GRIA4: variants seen among roughly 807,000 people sequenced by gnomAD.
GRIA4 encodes glutamate receptor 4.
GRIA4 carries 34 observed loss-of-function variants against 104.0 expected under a neutral mutation model. That is an observed-to-expected ratio of 0.33 (90% CI 0.25 to 0.44). The LOEUF is 0.44. GRIA4 is among the 20% of genes least tolerant of loss of function. The pLI is 1.00. For missense variants in GRIA4, 750 were observed against 1,096.5 expected (o/e 0.68, Z 4.46); for synonymous variants, 386 against 381.9 (o/e 1.01, Z -0.13).
At chr11:105,627,614 T>C (rs1229700548) in intron 3 of GRIA4, among the ~76,000 whole-genome samples, 6 of 152,190 alleles carry the variant, frequency 3.9e-5, no homozygotes, top group Non-Finnish European at 8.8e-5. Context: ...AAGACCCATT[T>C]TGGTATGTAA....
chr11:105,634,387 A>AGAAG lies in GRIA4; in HGVS notation c.247+21968_247+21971dup, dbSNP rs539258523. Reference sequence around the variant, plus strand: ...AAAAAAAAGAAGAAGAAAGAAGGAAAGAAGGAAGGAAGGAAGGAGAAAGGA... The same window carrying AGAAG: ...AAAAAAAAGAAGAAGAAAGAAGGAAAGAAGGAAGGAAGGAAGGAAGGAGAAAGGA... On this transcript the variant is annotated intron_variant, in intron 3 of 16. Transcript: ENST00000282499. Among the ~76,000 whole-genome samples, 1,033 of 148,798 alleles carry AGAAG rather than the reference A, an allele frequency of 6.9e-3. 9 individuals are homozygous for AGAAG. Among genetic ancestry groups the AGAAG allele is most frequent in the African/African-American group, 0.022 (895 of 40,138 alleles).
chr11:105,653,089 T>G (rs1951729825), intron 3 of GRIA4, among the ~76,000 whole-genome samples: 1 of 152,116 alleles, frequency 6.6e-6, no homozygotes, highest in Non-Finnish European at 1.5e-5. Context: ...TTTTTTGTAT[T>G]TTTAGTAGAG....
At chr11:105,671,506 G>A (rs958743602) in intron 3 of GRIA4, among the ~76,000 whole-genome samples, 6 of 151,000 alleles carry the variant, frequency 4.0e-5, no homozygotes, top group Admixed American at 6.6e-5. Flanking sequence ...GTGAAATCCC[G>A]TCTCTACTAA....
intron 10 of GRIA4, chr11:105,913,589 G>A: frequency 1.6e-6 from 1 of 619,374 alleles, no homozygotes; most frequent in Non-Finnish European, 2.0e-6. Context: ...ATGTGGTTTG[G>A]ATAAATACAG....
chr11:105,898,553 C>A, intron 7 of GRIA4, 126 bp downstream of exon 7: 1 of 635,866 alleles, frequency 1.6e-6, no homozygotes, highest in South Asian at 2.0e-5. Context: ...AGCATTTTGT[C>A]CTTATAACTG....
intron 6 of GRIA4, among the ~76,000 whole-genome samples, chr11:105,892,714 A>C (rs944195342): frequency 2.0e-5 from 3 of 152,128 alleles, no homozygotes; most frequent in African/African-American, 7.2e-5. Flanking sequence ...ACTTTTCTGC[A>C]TTGAGCATGT....
intron 3 of GRIA4, among the ~76,000 whole-genome samples, chr11:105,742,878 A>G (rs1477172330): frequency 6.6e-6 from 1 of 152,046 alleles, no homozygotes; most frequent in Non-Finnish European, 1.5e-5. Context: ...CTGGGATCAC[A>G]GGCGCCTGCT....
At chr11:105,894,712 T>C (rs1371262241) in intron 6 of GRIA4, among the ~76,000 whole-genome samples, 6 of 151,634 alleles carry the variant, frequency 4.0e-5, no homozygotes, top group Non-Finnish European at 8.8e-5. Flanking sequence ...CCCAAAACCA[T>C]AGCCAAGGTG....
intron 3 of GRIA4, among the ~76,000 whole-genome samples, chr11:105,638,892 C>T (rs1238919278): frequency 6.6e-6 from 1 of 152,046 alleles, no homozygotes; most frequent in Non-Finnish European, 1.5e-5. Context: ...TCATCCTTAA[C>T]TTTTTTATTA....
chr11:105,870,350 T>C (rs1458257365), intron 5 of GRIA4, among the ~76,000 whole-genome samples: 4 of 151,908 alleles, frequency 2.6e-5, no homozygotes, highest in Admixed American at 6.6e-5. Context: ...CCACATTCTA[T>C]TATTTTCCTT....
chr11:105,957,169 C>A (rs1160826430), intron 14 of GRIA4, among the ~76,000 whole-genome samples: 5 of 152,186 alleles, frequency 3.3e-5, no homozygotes, highest in Admixed American at 2.0e-4. Context: ...GTGTTTTAGT[C>A]ACAAAGTCCT....
chr11:105,901,073 CT>C (rs1946837783), intron 7 of GRIA4, among the ~76,000 whole-genome samples: 2 of 152,106 alleles, frequency 1.3e-5, no homozygotes, highest in African/African-American at 4.8e-5. Flanking sequence ...TACTGTTTCA[CT>C]CCTATAAACT....
chr11:105,956,232 A>G (rs962894556), intron 14 of GRIA4, among the ~76,000 whole-genome samples: 3 of 152,218 alleles, frequency 2.0e-5, no homozygotes, highest in Middle Eastern at 3.4e-3. Flanking sequence ...TACATTAGTT[A>G]TATCTCCTAA....
At chr11:105,948,061 C>T (rs1043932552) in intron 14 of GRIA4, among the ~76,000 whole-genome samples, 1 of 152,136 alleles carries the variant, frequency 6.6e-6, no homozygotes, top group Non-Finnish European at 1.5e-5. Context: ...GAATAAAAAG[C>T]TCAGCTTCCT....
At chr11:105,902,919 C>A (rs927137028) in intron 7 of GRIA4, among the ~76,000 whole-genome samples, 6 of 152,164 alleles carry the variant, frequency 3.9e-5, no homozygotes, top group Non-Finnish European at 8.8e-5. Flanking sequence ...TGCCCCATTT[C>A]CATGTGTTCA....
intron 3 of GRIA4, among the ~76,000 whole-genome samples, chr11:105,654,546 C>A (rs1951787069): frequency 6.6e-6 from 1 of 151,880 alleles, no homozygotes; most frequent in South Asian, 2.1e-4. Context: ...TGTTAACTTT[C>A]TTATCTTCTT....
At chr11:105,811,206 C>A (rs551091990) in intron 4 of GRIA4, among the ~76,000 whole-genome samples, 12 of 152,186 alleles carry the variant, frequency 7.9e-5, no homozygotes, top group Non-Finnish European at 1.5e-4. Context: ...AACACAGCAG[C>A]ACAACTGAGA....
chr11:105,930,584 T>C (rs563228976), intron 13 of GRIA4, among the ~76,000 whole-genome samples: 1 of 138,900 alleles, frequency 7.2e-6, no homozygotes, highest in African/African-American at 2.6e-5. Context: ...AAGTAAAAGA[T>C]ACTTTATTCT....
chr11:105,764,688 T>A (rs202078241), intron 4 of GRIA4, among the ~76,000 whole-genome samples: 2 of 152,136 alleles, frequency 1.3e-5, no homozygotes, highest in South Asian at 2.1e-4. Context: ...AAATGGCTGT[T>A]GAACTAGAAT....
Sources: allele counts gnomAD v4.1 joint callset (sites outside exome capture counted in the v4.1 genomes callset), GRCh38; gene constraint gnomAD v4.1.1; transcripts MANE v1.5; gene names NCBI Gene and HGNC (gene_info 2026-07-23, HGNC 2026-07-21).